NDEL1: variants seen among roughly 807,000 people sequenced by gnomAD.
NDEL1 encodes nuclear distribution protein nudE-like 1.
A neutral mutation model predicts 45.7 loss-of-function variants in NDEL1; 9 were observed. The observed-to-expected ratio is 0.20, with a 90% confidence interval of 0.12 to 0.34. The LOEUF is 0.34. Among genes scored for constraint, NDEL1 ranks in the 10% least tolerant of loss-of-function variants. The pLI is 1.00. For missense variants in NDEL1, 306 were observed against 406.2 expected (o/e 0.75, Z 2.12); for synonymous variants, 133 against 158.6 (o/e 0.84, Z 1.21).
intron 6 of NDEL1, among the ~76,000 whole-genome samples, chr17:8,453,231 G>A (rs939725127): frequency 4.6e-5 from 7 of 152,184 alleles, no homozygotes; most frequent in African/African-American, 1.7e-4. Flanking sequence ...TGGGAGCACA[G>A]TGGTAAGACA....
At chr17:8,444,075 G>T in intron 1 of NDEL1, 185 bp from the exon 2 acceptor site, 2 of 498,184 alleles carry the variant, frequency 4.0e-6, no homozygotes, top group Non-Finnish European at 3.6e-6. Flanking sequence ...TCACAATATT[G>T]GTGGTCCCTG....
At chr17:8,438,446 A>G (rs1909500800) in intron 1 of NDEL1, among the ~76,000 whole-genome samples, 1 of 152,234 alleles carries the variant, frequency 6.6e-6, no homozygotes, top group African/African-American at 2.4e-5. Context: ...AGACTGTATA[A>G]CAGCCCCTGA....
intron 6 of NDEL1, among the ~76,000 whole-genome samples, chr17:8,454,307 C>G (rs1196452975): frequency 6.6e-6 from 1 of 151,602 alleles, no homozygotes; most frequent in Non-Finnish European, 1.5e-5. Context: ...GACTAAACAG[C>G]TGATTTTCAG....
At chr17:8,448,218 C>G (rs1439205330) in intron 4 of NDEL1, among the ~76,000 whole-genome samples, 1 of 152,180 alleles carries the variant, frequency 6.6e-6, no homozygotes, top group African/African-American at 2.4e-5. Flanking sequence ...ACATATATTA[C>G]AAGTTTTGAA....
intron 1 of NDEL1, among the ~76,000 whole-genome samples, chr17:8,427,827 C>G (rs1908876905): frequency 6.6e-6 from 1 of 152,140 alleles, no homozygotes; most frequent in Non-Finnish European, 1.5e-5. Flanking sequence ...TTTATACGAC[C>G]AATATTTATT....
Position 8,454,779 on chromosome 17 carries a change from C to G in NDEL1, c.701-17C>G. ...GGGAACTGCAAGTGTAATCACTCAG[C>G]TTTTATTTTTCTCTAGCTATACCAA... is the stretch of plus-strand genomic sequence containing the variant. On this transcript the variant is annotated splice_polypyrimidine_tract_variant and intron_variant, in intron 6 of 8. Coordinates refer to ENST00000334527, the MANE Select transcript of NDEL1 (RefSeq NM_030808.5). 6.3e-7 allele frequency: 1 copy of G among 1,597,282 alleles called. No homozygotes were observed. Among genetic ancestry groups the G allele is most frequent in the Non-Finnish European group, 8.6e-7 (1 of 1,169,188 alleles).
chr17:8,460,170 G>A lies in NDEL1; in HGVS notation c.944+10G>A. 6.2e-7 allele frequency: 1 copy of A among 1,605,672 alleles called. No homozygotes were observed. The highest frequency in any genetic ancestry group is 8.5e-7 in the Non-Finnish European group (1 of 1,176,890). On this transcript the variant is annotated intron_variant, in intron 8 of 8. Transcript: ENST00000334527. ...CTTTCTTCGACAAAGGGTAAGTCCT[G>A]AATGTTTTAAGTGATAATTTTTTGA...
chr17:8,450,204 G>A (rs916343358), intron 5 of NDEL1, among the ~76,000 whole-genome samples: 5 of 151,408 alleles, frequency 3.3e-5, no homozygotes, highest in Admixed American at 3.3e-4. Context: ...CAGGAGAATC[G>A]CTTGAACCCA....
intron 3 of NDEL1, 92 bp from the exon 4 acceptor site, chr17:8,446,662 G>T: frequency 8.2e-7 from 1 of 1,219,104 alleles, no homozygotes; most frequent in Non-Finnish European, 1.1e-6. Flanking sequence ...TAAATTCCTT[G>T]GGTTCCCCCC....
At chr17:8,464,592 G>A (rs1328771228) in intron 8 of NDEL1, 1 of 152,150 alleles carries the variant, frequency 6.6e-6, no homozygotes, top group African/African-American at 2.4e-5. Context: ...CACATTAAGC[G>A]TTCCATTTCT....
intron 3 of NDEL1, among the ~76,000 whole-genome samples, chr17:8,473,760 T>C (rs1912000654): frequency 6.6e-6 from 1 of 152,266 alleles, no homozygotes; most frequent in African/African-American, 2.4e-5. Context: ...TTTGATTCTG[T>C]GCTGCCCTAG....
intron 6 of NDEL1, among the ~76,000 whole-genome samples, chr17:8,452,079 GTAAGGTGTTAC>G (rs1910538883): frequency 6.6e-6 from 1 of 152,182 alleles, no homozygotes; most frequent in South Asian, 2.1e-4. Flanking sequence ...CTGTATGGTT[GTAAGGTGTTAC>G]TAATTGCGCT....
intron 3 of NDEL1, among the ~76,000 whole-genome samples, chr17:8,473,216 C>T (rs997790127): frequency 3.3e-5 from 5 of 151,902 alleles, no homozygotes; most frequent in African/African-American, 9.7e-5. Flanking sequence ...CGGAGTCGCC[C>T]TTCTCTGTCA....
chr17:8,415,133 C>T (rs2151690472), intron 1 of NDEL1, among the ~76,000 whole-genome samples: 1 of 149,184 alleles, frequency 6.7e-6, no homozygotes, highest in South Asian at 2.2e-4. Flanking sequence ...CCTCCTGCCT[C>T]TTCTCTCTTT....
At chr17:8,473,105 TCA>T (rs985232006), downstream of NDEL1, among the ~76,000 whole-genome samples, 1 of 152,194 alleles carries the variant, frequency 6.6e-6, no homozygotes, top group African/African-American at 2.4e-5. Flanking sequence ...TGGAATTGGT[TCA>T]CACAGATTGT....
chr17:8,442,615 A>G (rs769929922), intron 1 of NDEL1, among the ~76,000 whole-genome samples: 6 of 150,604 alleles, frequency 4.0e-5, no homozygotes, highest in Admixed American at 6.6e-5. Context: ...CCTCAATTCA[A>G]ATATTTATTG....
At chr17:8,425,945 C>T (rs1005141756) in intron 1 of NDEL1, among the ~76,000 whole-genome samples, 8 of 152,128 alleles carry the variant, frequency 5.3e-5, no homozygotes, top group African/African-American at 1.9e-4. Context: ...ATGTAAGCCA[C>T]CTTGCCCAGC....
chr17:8,473,180 G>C (rs1273571264), intron 3 of NDEL1, among the ~76,000 whole-genome samples: 1 of 151,962 alleles, frequency 6.6e-6, no homozygotes, highest in African/African-American at 2.4e-5. Flanking sequence ...TCAGCCAGTA[G>C]GGAAGAATTC....
downstream of NDEL1, among the ~76,000 whole-genome samples, chr17:8,469,157 G>GTGCTGTGCTTGGCTGAGC (rs1374359113): frequency 2.6e-5 from 4 of 152,190 alleles, no homozygotes; most frequent in Admixed American, 1.3e-4. Flanking sequence ...CGGTGGGTGT[G>GTGCTGTGCTTGGCTGAGC]TGCTGTGCTT....
Sources: gnomAD v4.1 joint callset for allele counts (sites outside exome capture counted in the v4.1 genomes callset) on GRCh38, gnomAD v4.1.1 for gene constraint, MANE v1.5 for transcripts, NCBI Gene and HGNC (gene_info 2026-07-23, HGNC 2026-07-21) for gene names.